The following EXOC4 variants were observed in gnomAD, a reference collection of about 807,000 sequenced individuals.
The protein encoded by EXOC4 is exocyst complex component 4.
Under a neutral mutation model 107.2 loss-of-function variants are expected in EXOC4, and 71 were observed. The ratio of observed to expected loss-of-function variants is 0.66; its 90% CI spans 0.55 to 0.81. EXOC4 has a LOEUF of 0.81. Among genes scored for constraint, EXOC4 ranks in the 30% least tolerant of loss-of-function variants. EXOC4 has a pLI of 0.00. For synonymous variants in EXOC4, 456 were observed against 441.2 expected, an observed-to-expected ratio of 1.03 and a Z score of -0.42; for missense variants, 1,108 against 1,189.6, an observed-to-expected ratio of 0.93 and a Z score of 1.01.
rs1011064252 is a variant in EXOC4 at position 133,507,764 on chromosome 7, C to T, written c.1417+27626C>T. Among the ~76,000 whole-genome samples, 9 of 152,076 alleles carry T rather than the reference C, an allele frequency of 5.9e-5. No individual in the cohort carries two copies. In the South Asian group the frequency reaches 6.2e-4, roughly 11 times the overall value. On this transcript the variant is annotated intron_variant, in intron 9 of 17. Coordinates refer to ENST00000253861, the MANE Select transcript of EXOC4 (RefSeq NM_021807.4). ...TAAAGTGTTAAGTTATAAACTGCAGCGTTATAATTCCTCTTCTGGTAAAAT... is the reference window on the plus strand; with the variant it reads ...TAAAGTGTTAAGTTATAAACTGCAGTGTTATAATTCCTCTTCTGGTAAAAT...
intron 9 of EXOC4, among the ~76,000 whole-genome samples, chr7:133,599,740 T>G (rs1382856623): frequency 6.6e-6 from 1 of 152,212 alleles, no homozygotes; most frequent in East Asian, 1.9e-4. Context: ...TTTTATTTAC[T>G]ATTTCATTTC....
At chr7:133,595,750 TA>T (rs1801653238) in intron 9 of EXOC4, among the ~76,000 whole-genome samples, 1 of 152,236 alleles carries the variant, frequency 6.6e-6, no homozygotes, top group Non-Finnish European at 1.5e-5. Context: ...TTTCTCATTC[TA>T]AAATTTTCAC....
chr7:133,819,474 A>G (rs910176746), intron 11 of EXOC4, among the ~76,000 whole-genome samples: 1 of 152,036 alleles, frequency 6.6e-6, no homozygotes, highest in African/African-American at 2.4e-5. Context: ...AAGGTGCTCA[A>G]TGAATAACTT....
At chr7:133,560,049 G>A (rs543916798) in intron 9 of EXOC4, among the ~76,000 whole-genome samples, 12 of 152,282 alleles carry the variant, frequency 7.9e-5, no homozygotes, top group African/African-American at 2.6e-4. Context: ...GTTCAGTGCT[G>A]TGTCAATTAC....
At chr7:133,294,693 C>G (rs1794479639) in intron 3 of EXOC4, among the ~76,000 whole-genome samples, 1 of 152,084 alleles carries the variant, frequency 6.6e-6, no homozygotes, top group Non-Finnish European at 1.5e-5. Context: ...ATTTCACTTA[C>G]ACTGTGTAAA....
chr7:133,387,916 A>G (rs1349871575), intron 7 of EXOC4, among the ~76,000 whole-genome samples: 1 of 152,060 alleles, frequency 6.6e-6, no homozygotes, highest in Non-Finnish European at 1.5e-5. Flanking sequence ...TCACACAGTT[A>G]AGTATAAATG....
chr7:134,071,762 G>A, the EXOC4 span, among the ~76,000 whole-genome samples: 1 of 152,106 alleles, frequency 6.6e-6, no homozygotes, highest in African/African-American at 2.4e-5. Context: ...CAGTTTGCTT[G>A]GGGGTTAGAA....
At chr7:133,572,188 G>T (rs1184011019) in intron 9 of EXOC4, among the ~76,000 whole-genome samples, 1 of 152,152 alleles carries the variant, frequency 6.6e-6, no homozygotes, top group African/African-American at 2.4e-5. Flanking sequence ...GCAATTATTT[G>T]GATGGTCATA....
At chr7:133,636,625 G>C (rs1802718782) in intron 10 of EXOC4, among the ~76,000 whole-genome samples, 1 of 152,162 alleles carries the variant, frequency 6.6e-6, no homozygotes. Context: ...ACATGGGGAT[G>C]ATGATGCCAT....
At chr7:133,932,968 G>C (rs1800214899) in intron 13 of EXOC4, among the ~76,000 whole-genome samples, 1 of 152,052 alleles carries the variant, frequency 6.6e-6, no homozygotes, top group Admixed American at 6.6e-5. Flanking sequence ...ATCAGATACA[G>C]CACAGGTCTG....
At chr7:133,595,553 A>C (rs1054853636) in intron 9 of EXOC4, among the ~76,000 whole-genome samples, 1 of 152,286 alleles carries the variant, frequency 6.6e-6, no homozygotes, top group Admixed American at 6.5e-5. Flanking sequence ...AGTTCTTTCT[A>C]TGTGTCAGGC....
At chr7:133,921,675 A>T (rs1312284188) in intron 13 of EXOC4, among the ~76,000 whole-genome samples, 2 of 152,026 alleles carry the variant, frequency 1.3e-5, no homozygotes, top group Admixed American at 6.5e-5. Context: ...TATGGTGTGT[A>T]TCCTGCTTGG....
At chr7:134,084,607 C>G in the EXOC4 span, among the ~76,000 whole-genome samples, 1 of 36,462 alleles carries the variant, frequency 2.7e-5, no homozygotes, top group African/African-American at 1.2e-4. Flanking sequence ...ATGTAGATGC[C>G]TTTCTACCTT....
intron 7 of EXOC4, among the ~76,000 whole-genome samples, chr7:133,439,558 T>C (rs901083992): frequency 1.3e-5 from 2 of 152,168 alleles, no homozygotes; most frequent in African/African-American, 4.8e-5. Flanking sequence ...TGTGAAATAA[T>C]ATGTATCATA....
At chr7:134,080,938 T>G in the EXOC4 span, among the ~76,000 whole-genome samples, 1 of 152,078 alleles carries the variant, frequency 6.6e-6, no homozygotes, top group African/African-American at 2.4e-5. Flanking sequence ...AGACCCTGTC[T>G]CTAAAAAAAT....
chr7:133,980,720 A>G (rs1214812735), intron 14 of EXOC4, among the ~76,000 whole-genome samples: 2 of 152,170 alleles, frequency 1.3e-5, no homozygotes, highest in Admixed American at 6.5e-5. Context: ...CATGTAGCTT[A>G]CTCTCAACTG....
intron 14 of EXOC4, among the ~76,000 whole-genome samples, chr7:133,957,898 G>A (rs1563071359): frequency 6.6e-6 from 1 of 152,134 alleles, no homozygotes; most frequent in Non-Finnish European, 1.5e-5. Context: ...ACTTAACCCA[G>A]CCACTATTGC....
intron 9 of EXOC4, among the ~76,000 whole-genome samples, chr7:133,531,591 A>C (rs1397904193): frequency 1.3e-5 from 2 of 152,160 alleles, no homozygotes; most frequent in Non-Finnish European, 2.9e-5. Flanking sequence ...GAGACTTGCA[A>C]GCAGATTTAC....
chr7:133,757,508 T>C (rs1795943802), intron 10 of EXOC4, among the ~76,000 whole-genome samples: 1 of 152,238 alleles, frequency 6.6e-6, no homozygotes, highest in Non-Finnish European at 1.5e-5. Flanking sequence ...CAAAACTACT[T>C]GGTGGATTCT....
Sources: gnomAD v4.1 joint callset for allele counts (sites outside exome capture counted in the v4.1 genomes callset) on GRCh38, gnomAD v4.1.1 for gene constraint, MANE v1.5 for transcripts, NCBI Gene and HGNC (gene_info 2026-07-23, HGNC 2026-07-21) for gene names.